The following NT5C1B variants were observed in gnomAD, a reference collection of about 807,000 sequenced individuals.
NT5C1B encodes 5'-nucleotidase, cytosolic IB.
NT5C1B carries 44 observed loss-of-function variants against 57.8 expected under a neutral mutation model. The observed-to-expected ratio is 0.76, with a 90% CI of 0.60 to 0.98. NT5C1B has a LOEUF of 0.98. Among genes scored for constraint, NT5C1B ranks in the 50% least tolerant of loss-of-function variants. NT5C1B has a pLI of 0.00. For synonymous variants in NT5C1B, 284 were observed against 282.6 expected (o/e 1.00, Z -0.05); for missense variants, 742 against 719.5 (o/e 1.03, Z -0.36).
intron 2 of NT5C1B, chr2:18,587,023 C>T: frequency 6.2e-7 from 1 of 1,614,194 alleles, no homozygotes; most frequent in Non-Finnish European, 8.5e-7. Flanking sequence ...TGGCCCTGCT[C>T]CCACAACAGG....
At chr2:18,582,934 T>C (rs1666311482) in exon 6 of NT5C1B, 2 of 1,614,138 alleles carry the variant, frequency 1.2e-6, no homozygotes, top group Non-Finnish European at 1.7e-6. Context: ...ATCAGTACAA[T>C]ATCAAATAAG....
chr2:18,584,394 G>T lies in NT5C1B; in HGVS notation c.723+120C>A. ...GGATGCTGGAGACAGCTGAGGCTGG[G>T]ACTCCCCGAAGTTTGGGGAGGAGAA... On this transcript the variant is annotated intron_variant, in intron 4 of 8. Transcript: ENST00000304081. This position sits in a 1 kb window ranked among gnomAD's most constrained non-coding sequence, Gnocchi z 5.8. 1 of 1,525,516 alleles carries T rather than the reference G, an allele frequency of 6.6e-7. No homozygotes were observed. 94.5% of individuals were successfully genotyped at this position (1,525,516 alleles called of 1,614,324 possible). A position where few individuals can be genotyped will look rare whatever the true frequency, so the allele number is the denominator to read the frequency against.
chr2:18,587,542 TC>T lies in NT5C1B; in HGVS notation c.80del (p.Arg27LysfsTer11). ...GAACTCCTGTTTTGTCAGATTCCTTTCTTTTTTCTGCTTCTAGACTCTCTTT... is the reference window on the plus strand; with the variant it reads ...GAACTCCTGTTTTGTCAGATTCCTTTTTTTTTCTGCTTCTAGACTCTCTTT... On this transcript the variant is annotated frameshift_variant, in exon 2 of 9. Coordinates refer to ENST00000304081, the Ensembl canonical transcript of NT5C1B. LOFTEE classifies it high-confidence loss of function. The T allele has an allele frequency of 6.2e-7, 1 of 1,614,026 alleles. No individual in the cohort carries two copies. Among genetic ancestry groups the T allele is most frequent in the Non-Finnish European group, 8.5e-7 (1 of 1,180,038 alleles).
At chr2:18,587,352 G>T in intron 2 of NT5C1B, 151 bp downstream of exon 2, 1 of 1,475,670 alleles carries the variant, frequency 6.8e-7, no homozygotes, top group Middle Eastern at 1.8e-4. Context: ...ACCTTTCCTA[G>T]TTCCTTAACC....
At chr2:18,569,295 G>A (rs555365468) in intron 8 of NT5C1B, among the ~76,000 whole-genome samples, 2 of 152,190 alleles carry the variant, frequency 1.3e-5, no homozygotes, top group South Asian at 4.1e-4. Flanking sequence ...CAATAAGTCT[G>A]TAAGTAAATA....
chr2:18,564,026 G>C (rs910062846), exon 9 of NT5C1B: 2 of 1,613,944 alleles, frequency 1.2e-6, no homozygotes, highest in Non-Finnish European at 1.7e-6. Flanking sequence ...GCTGTAACCA[G>C]GTAGGTCCTG....
exon 9 of NT5C1B, chr2:18,563,492 C>T (rs3747660): frequency 0.14 from 30,603 of 221,980 alleles, 4,514 homozygotes; most frequent in African/African-American, 0.42. Context: ...ACTAAGTAAG[C>T]TTCTAAAACA....
chr2:18,572,577 T>C (rs761378936), intron 8 of NT5C1B, among the ~76,000 whole-genome samples: 2 of 152,114 alleles, frequency 1.3e-5, no homozygotes, highest in Admixed American at 6.5e-5. Flanking sequence ...CCAAAACATA[T>C]GAGGAACTCT....
At chr2:18,573,923 T>C (rs2148118681) in intron 8 of NT5C1B, among the ~76,000 whole-genome samples, 1 of 152,282 alleles carries the variant, frequency 6.6e-6, no homozygotes, top group Non-Finnish European at 1.5e-5. Flanking sequence ...GGATTCACAA[T>C]TTTAATTGTT....
At chr2:18,571,718 G>GTGTGTGTATGTATATATATATATA (rs1246189018) in intron 8 of NT5C1B, among the ~76,000 whole-genome samples, 1 of 111,444 alleles carries the variant, frequency 9.0e-6, no homozygotes, top group African/African-American at 3.2e-5. Context: ...CTGTGTGTGT[G>GTGTGTGTATGTATATATATATATA]TATATATATA....
At chr2:18,583,108 A>G in intron 5 of NT5C1B, 111 bp from the exon 6 acceptor site, 1 of 1,379,698 alleles carries the variant, frequency 7.2e-7, no homozygotes, top group South Asian at 1.6e-5. Context: ...AAGAATCTTC[A>G]CTGAGAGATT....
intron 8 of NT5C1B, among the ~76,000 whole-genome samples, chr2:18,572,663 G>A (rs1034287132): frequency 6.6e-6 from 1 of 152,140 alleles, no homozygotes; most frequent in African/African-American, 2.4e-5. Context: ...AAGAAGATAT[G>A]TGATGGAAAA....
At chr2:18,565,417 A>G (rs1224680725) in intron 8 of NT5C1B, among the ~76,000 whole-genome samples, 5 of 152,134 alleles carry the variant, frequency 3.3e-5, no homozygotes, top group Non-Finnish European at 7.3e-5. Flanking sequence ...TCTCAACTAT[A>G]TATCTATTTC....
At chr2:18,578,872 T>C (rs1665935136) in intron 6 of NT5C1B, among the ~76,000 whole-genome samples, 1 of 152,184 alleles carries the variant, frequency 6.6e-6, no homozygotes, top group Non-Finnish European at 1.5e-5. Context: ...TGGAAGATGA[T>C]ATGATTTTTC....
chr2:18,576,713 T>C (rs1187890010), intron 7 of NT5C1B, 60 bp downstream of exon 7: 1 of 1,592,330 alleles, frequency 6.3e-7, no homozygotes. Context: ...CGAAACTTAA[T>C]GTAAGTCACC....
chr2:18,574,784 A>C (rs1665526273), intron 8 of NT5C1B, among the ~76,000 whole-genome samples: 1 of 152,078 alleles, frequency 6.6e-6, no homozygotes, highest in South Asian at 2.1e-4. Context: ...ACACTTAAAA[A>C]CTTGTTAAGT....
chr2:18,573,722 A>G (rs1665415587), intron 8 of NT5C1B, among the ~76,000 whole-genome samples: 1 of 152,156 alleles, frequency 6.6e-6, no homozygotes, highest in Non-Finnish European at 1.5e-5. Context: ...GAATGTCTTC[A>G]GTAGGAGTTG....
intron 1 of NT5C1B, among the ~76,000 whole-genome samples, chr2:18,588,686 A>G (rs758915052): frequency 6.6e-6 from 1 of 152,196 alleles, no homozygotes; most frequent in Non-Finnish European, 1.5e-5. Context: ...TTTTCAGAAT[A>G]TAGCCTTTCA....
rs147939092 is a variant in NT5C1B at position 18,563,860 on chromosome 2, A to G, written c.1589T>C (p.Ile530Thr). ...GGAACCTAACCTCTGTGCCCCTTCAATGTGGAACATGTGGTCATCAAAGAA... is the reference window on the plus strand; with the variant it reads ...GGAACCTAACCTCTGTGCCCCTTCAGTGTGGAACATGTGGTCATCAAAGAA... Residue 530 changes from isoleucine (I) to threonine (T), a missense_variant, in exon 9 of 9, where the codon ATT (isoleucine) becomes ACT (threonine). By Grantham distance (89) the Ile-to-Thr change is moderately conservative. Transcript: ENST00000304081. 42 of 1,613,008 alleles carry G rather than the reference A, an allele frequency of 2.6e-5. No individual in the cohort carries two copies. Among genetic ancestry groups the G allele is most frequent in the South Asian group, 3.3e-5 (3 of 91,030 alleles).
Sources: allele counts gnomAD v4.1 joint callset (sites outside exome capture counted in the v4.1 genomes callset), GRCh38; gene constraint gnomAD v4.1.1; non-coding constraint Gnocchi (gnomAD v3.1); transcripts MANE v1.5; gene names NCBI Gene and HGNC (gene_info 2026-07-23, HGNC 2026-07-21).